The following ZNF385D variants were observed in gnomAD, a reference collection of about 807,000 sequenced individuals.
ZNF385D encodes the protein zinc finger protein 659.
In ZNF385D, 15 loss-of-function variants were observed where a neutral mutation model predicts 35.8. The ratio of observed to expected loss-of-function variants is 0.42; its 90% CI spans 0.28 to 0.64. The LOEUF is 0.64. ZNF385D is among the 30% of genes least tolerant of loss of function. ZNF385D has a pLI of 0.23. For missense variants in ZNF385D, 474 were observed against 494.6 expected, an observed-to-expected ratio of 0.96 and a Z score of 0.39; for synonymous variants, 212 against 186.8, an observed-to-expected ratio of 1.13 and a Z score of -1.10.
At chr3:21,817,207 G>C (rs559772686) in intron 3 of ZNF385D, among the ~76,000 whole-genome samples, 1 of 152,268 alleles carries the variant, frequency 6.6e-6, no homozygotes, top group East Asian at 1.9e-4. Flanking sequence ...AGACTTAAAT[G>C]TTAGATGTAA....
At chr3:21,696,749 C>T (rs1454234302) in intron 1 of ZNF385D, among the ~76,000 whole-genome samples, 1 of 152,150 alleles carries the variant, frequency 6.6e-6, no homozygotes, top group African/African-American at 2.4e-5. Flanking sequence ...TTCTACAAAA[C>T]AGTGCTTTAT....
At chr3:21,852,334 T>C (rs1696433252) in intron 3 of ZNF385D, among the ~76,000 whole-genome samples, 1 of 151,928 alleles carries the variant, frequency 6.6e-6, no homozygotes, top group Admixed American at 6.6e-5. Flanking sequence ...ACAAGCTCAA[T>C]TAATTGCATA....
At chr3:21,903,210 G>A (rs1009404515) in intron 3 of ZNF385D, among the ~76,000 whole-genome samples, 3 of 152,134 alleles carry the variant, frequency 2.0e-5, no homozygotes, top group Non-Finnish European at 4.4e-5. Context: ...ATATGAACAT[G>A]CTTTCTAGCC....
chr3:22,284,391 C>T (rs910669155), intron 2 of ZNF385D, among the ~76,000 whole-genome samples: 4 of 151,824 alleles, frequency 2.6e-5, no homozygotes, highest in Non-Finnish European at 4.4e-5. Flanking sequence ...GGAGTTTCAC[C>T]GTGTTAGCCA....
chr3:21,585,655 A>T (rs1047041280), intron 2 of ZNF385D, among the ~76,000 whole-genome samples: 1 of 152,194 alleles, frequency 6.6e-6, no homozygotes, highest in African/African-American at 2.4e-5. Flanking sequence ...ATCGTGGATC[A>T]AGTGTCAGTC....
intron 2 of ZNF385D, among the ~76,000 whole-genome samples, chr3:22,299,452 A>C (rs901360799): frequency 6.6e-6 from 1 of 151,804 alleles, no homozygotes; most frequent in Non-Finnish European, 1.5e-5. Flanking sequence ...ACTATAAAAC[A>C]AATCATAATT....
intron 2 of ZNF385D, among the ~76,000 whole-genome samples, chr3:22,315,844 G>A (rs1213000107): frequency 6.6e-6 from 1 of 152,068 alleles, no homozygotes; most frequent in Non-Finnish European, 1.5e-5. Flanking sequence ...CTTGTTCAGA[G>A]ACTGAATCTG....
chr3:22,164,141 G>C (rs1470911184), intron 3 of ZNF385D, among the ~76,000 whole-genome samples: 4 of 150,708 alleles, frequency 2.7e-5, no homozygotes, highest in Non-Finnish European at 4.4e-5. Flanking sequence ...TGAAATTTAT[G>C]GCATATAACT....
rs865840807 is a variant in ZNF385D, at chr3:21,885,768, G to A, written c.326-220740C>T. ...TGTGTGTGTGTGTGTGTGTGTGTGT[G>A]TGTGTGTGTAGAAAGAAAGAGAGAC... On this transcript the variant is annotated intron_variant, in intron 3 of 5. Coordinates refer to the ZNF385D transcript ENST00000494108. Among the ~76,000 whole-genome samples the A allele has an allele frequency of 1.6e-3, 221 of 139,292 alleles. 5 individuals are homozygous for A. The South Asian group carries it at 0.05, about 31-fold the overall frequency. 91.4% of individuals were successfully genotyped at this position (139,292 alleles called of 152,430 possible). A position where few individuals can be genotyped will look rare whatever the true frequency, so the allele number is the denominator to read the frequency against.
rs527689597 is a variant in ZNF385D at position 21,414,848 on chromosome 3, A to G, written c.*6366T>C. The G allele has an allele frequency of 6.6e-6, 1 of 152,100 alleles. No individual in the cohort carries two copies. The highest frequency in any genetic ancestry group is 1.5e-5 in the Non-Finnish European group (1 of 67,988). The allele number at this position is 152,100 out of a possible 1,614,324, so 9.4% of individuals were successfully genotyped here. ...CCATAAAATGGAATTTTTCTTGACT[A>G]TTTGATAAAAGTTAAACTTTCCAGG... is the stretch of plus-strand genomic sequence containing the variant. On this transcript the variant is annotated 3_prime_UTR_variant, in exon 8 of 8. Transcript: ENST00000281523.
intron 2 of ZNF385D, among the ~76,000 whole-genome samples, chr3:22,321,235 A>G (rs1407439822): frequency 6.8e-6 from 1 of 147,274 alleles, no homozygotes; most frequent in Non-Finnish European, 1.5e-5. Context: ...ACGACTATCA[A>G]CATTTAGTTA....
intron 2 of ZNF385D, among the ~76,000 whole-genome samples, chr3:21,589,406 A>G (rs986726724): frequency 6.6e-6 from 1 of 152,202 alleles, no homozygotes; most frequent in Admixed American, 6.5e-5. Context: ...AAAGAAATGA[A>G]TTTTGTACCC....
At chr3:22,098,449 T>A (rs1701750864) in intron 3 of ZNF385D, among the ~76,000 whole-genome samples, 1 of 152,064 alleles carries the variant, frequency 6.6e-6, no homozygotes, top group Non-Finnish European at 1.5e-5. Context: ...TTCCTTCAAT[T>A]CATTGGAAGA....
At chr3:22,206,740 A>G (rs908689055) in intron 2 of ZNF385D, among the ~76,000 whole-genome samples, 1 of 151,970 alleles carries the variant, frequency 6.6e-6, no homozygotes, top group Admixed American at 6.6e-5. Context: ...GATAATAAGA[A>G]CACAATATAC....
chr3:21,747,689 G>T (rs1451339742), intron 1 of ZNF385D, among the ~76,000 whole-genome samples: 2 of 152,140 alleles, frequency 1.3e-5, no homozygotes, highest in Non-Finnish European at 2.9e-5. Context: ...GCAATTGCTG[G>T]GGTGCACTCA....
At chr3:21,729,113 G>A (rs1292934954) in intron 1 of ZNF385D, among the ~76,000 whole-genome samples, 1 of 152,064 alleles carries the variant, frequency 6.6e-6, no homozygotes, top group African/African-American at 2.4e-5. Flanking sequence ...TTCATTTCAT[G>A]CTGAGCCACT....
chr3:21,510,924 T>C lies in ZNF385D; in HGVS notation c.376A>G (p.Ser126Gly), dbSNP rs774028199. 6.2e-7 allele frequency: 1 copy of C among 1,614,150 alleles called. No homozygotes were observed. The highest frequency in any genetic ancestry group is 8.5e-7 in the Non-Finnish European group (1 of 1,179,996). The change falls in exon 4 of 8, where the codon AGC (serine) becomes GGC (glycine). Residue 126 changes from serine (S) to glycine (G), a missense_variant. Physicochemically the swap from Ser to Gly is moderately conservative, Grantham distance 56. Transcript: ENST00000281523. ...NKQKSVTAKD[S>G]AKTTFTSITT... The stretch of plus-strand genomic sequence containing the variant: ...ATGGAGGTGAAGGTAGTCTTTGCGC[T>C]GTCCTTGGCAGTTACAGATTTCTGC...
At chr3:22,067,961 C>A (rs973673441) in intron 3 of ZNF385D, among the ~76,000 whole-genome samples, 1 of 151,540 alleles carries the variant, frequency 6.6e-6, no homozygotes, top group African/African-American at 2.4e-5. Context: ...TGCAGTGAGC[C>A]GAGATCACGC....
chr3:21,699,866 C>G (rs9833350), intron 1 of ZNF385D, among the ~76,000 whole-genome samples: 2 of 120,020 alleles, frequency 1.7e-5, no homozygotes, highest in Non-Finnish European at 3.2e-5. Flanking sequence ...GAGTCTTGCT[C>G]TGTCGCCCAG....
Sources: allele counts gnomAD v4.1 joint callset (sites outside exome capture counted in the v4.1 genomes callset), GRCh38; gene constraint gnomAD v4.1.1; transcripts MANE v1.5; gene names NCBI Gene and HGNC (gene_info 2026-07-23, HGNC 2026-07-21).